The following CFAP61 variants were observed in gnomAD, a reference collection of about 807,000 sequenced individuals.
CFAP61 encodes the protein cilia- and flagella-associated protein 61.
Under a neutral mutation model 135.6 loss-of-function variants are expected in CFAP61, and 107 were observed. The ratio of observed to expected loss-of-function variants is 0.79; its 90% confidence interval spans 0.67 to 0.93. The LOEUF is 0.93. Among genes scored for constraint, CFAP61 ranks in the 40% least tolerant of loss-of-function variants. The probability of loss-of-function intolerance (pLI) is 0.00; values close to 1 mark genes in which losing one functional copy is unlikely to be tolerated. For missense variants in CFAP61, 1,507 were observed against 1,556.2 expected (o/e 0.97, Z 0.53); for synonymous variants, 575 against 578.5 (o/e 0.99, Z 0.09).
chr20:20,110,751 C>T (rs2048745807), intron 8 of CFAP61, among the ~76,000 whole-genome samples: 1 of 152,126 alleles, frequency 6.6e-6, no homozygotes, highest in African/African-American at 2.4e-5. Flanking sequence ...CCTGAGTGGC[C>T]CACACAGCAG....
chr20:20,166,542 C>A, intron 12 of CFAP61, 106 bp downstream of exon 12: 6 of 884,832 alleles, frequency 6.8e-6, no homozygotes, highest in South Asian at 2.9e-5. Flanking sequence ...GGTTTGTGTT[C>A]GGAGAATAAG....
intron 25 of CFAP61, among the ~76,000 whole-genome samples, chr20:20,328,863 C>G (rs906448341): frequency 6.6e-6 from 1 of 152,142 alleles, no homozygotes; most frequent in Non-Finnish European, 1.5e-5. Context: ...GATGGCTGCT[C>G]TCTGAAATAA....
In CFAP61 at chr20:20,260,784, G is replaced by A. The variant is rs1009383316; in HGVS notation, c.2329-2172G>A. Reference sequence around the variant, plus strand: ...TTGTTCTTTAGCACTGCCACTTTCCGCCAAGGCTTTTTCACTTGTTAAATC... The same window carrying A: ...TTGTTCTTTAGCACTGCCACTTTCCACCAAGGCTTTTTCACTTGTTAAATC... On this transcript the variant is annotated intron_variant, in intron 20 of 26. Transcript: ENST00000245957. Among the ~76,000 whole-genome samples the A allele has an allele frequency of 6.6e-5, 10 of 152,012 alleles. No individual in the cohort carries two copies. The East Asian group carries it at 1.2e-3, about 18-fold the overall frequency.
chr20:20,229,560 G>A (rs989018495), intron 18 of CFAP61, among the ~76,000 whole-genome samples: 15 of 152,110 alleles, frequency 9.9e-5, no homozygotes, highest in African/African-American at 3.6e-4. Flanking sequence ...GACAGGTGGG[G>A]CCTTGTGAAG....
intron 20 of CFAP61, among the ~76,000 whole-genome samples, chr20:20,254,653 T>TC (rs956152665): frequency 9.9e-5 from 15 of 152,148 alleles, no homozygotes; most frequent in African/African-American, 3.6e-4. Flanking sequence ...TTCTCCCCCT[T>TC]CCCCCATTGT....
At chr20:20,342,600 G>A (rs990687288) in intron 26 of CFAP61, among the ~76,000 whole-genome samples, 1 of 152,220 alleles carries the variant, frequency 6.6e-6, no homozygotes, top group Admixed American at 6.5e-5. Flanking sequence ...TCAGCCAAGT[G>A]CCGGGGCCTG....
intron 20 of CFAP61, among the ~76,000 whole-genome samples, chr20:20,256,627 G>A (rs1194996908): frequency 6.6e-6 from 1 of 152,222 alleles, no homozygotes; most frequent in Non-Finnish European, 1.5e-5. Flanking sequence ...TGATGCTGAA[G>A]ACAAAGCACT....
At chr20:20,308,596 C>T (rs1330288849) in intron 25 of CFAP61, among the ~76,000 whole-genome samples, 3 of 152,134 alleles carry the variant, frequency 2.0e-5, no homozygotes, top group African/African-American at 7.2e-5. Flanking sequence ...TTGTTTCAAG[C>T]TCAGCTGGCC....
At chr20:20,096,106 C>G (rs1234853611) in intron 7 of CFAP61, among the ~76,000 whole-genome samples, 1 of 152,106 alleles carries the variant, frequency 6.6e-6, no homozygotes, top group South Asian at 2.1e-4. Flanking sequence ...TAGATAACAG[C>G]CAGCAATCAA....
chr20:20,096,150 A>G (rs1362994643), intron 7 of CFAP61, among the ~76,000 whole-genome samples: 2 of 152,180 alleles, frequency 1.3e-5, no homozygotes, highest in Non-Finnish European at 2.9e-5. Context: ...AAAGTCCATT[A>G]AATCCATTTT....
At chr20:20,271,735 G>A (rs2053373479) in intron 21 of CFAP61, among the ~76,000 whole-genome samples, 1 of 152,128 alleles carries the variant, frequency 6.6e-6, no homozygotes, top group African/African-American at 2.4e-5. Context: ...TCCTTTATGG[G>A]GAATCCACCC....
At position 20,276,070 on chromosome 20, in the gene CFAP61, G is replaced by A. The variant is rs377581413; in HGVS notation, c.2504-1096G>A. On this transcript the variant is annotated intron_variant, in intron 21 of 26. Coordinates refer to ENST00000245957, the MANE Select transcript of CFAP61 (RefSeq NM_015585.4). ...AGTATGGGAGAATTTTCTAGATGCT[G>A]TTAGCTTCCAAGAAGCCATCTGAAA... is the stretch of plus-strand genomic sequence containing the variant. 2.0e-5 allele frequency among the ~76,000 whole-genome samples: 3 copies of A among 152,302 alleles called. No individual in the cohort carries two copies. In the Middle Eastern group the frequency reaches 0.01, roughly 518 times the overall value.
intron 10 of CFAP61, among the ~76,000 whole-genome samples, chr20:20,160,098 G>T (rs1414456699): frequency 6.6e-6 from 1 of 152,184 alleles, no homozygotes; most frequent in African/African-American, 2.4e-5. Flanking sequence ...ACCCTGCTCA[G>T]GATCTCAGAC....
chr20:20,268,047 G>A (rs1037945443), intron 21 of CFAP61, among the ~76,000 whole-genome samples: 2 of 152,224 alleles, frequency 1.3e-5, no homozygotes, highest in African/African-American at 4.8e-5. Flanking sequence ...GGAGCCATCC[G>A]TGACCGTCCT....
chr20:20,147,241 C>A, intron 9 of CFAP61, among the ~76,000 whole-genome samples: 1 of 152,168 alleles, frequency 6.6e-6, no homozygotes, highest in Admixed American at 6.5e-5. Context: ...ATAATGACTT[C>A]TTTTCCTTTG....
intron 17 of CFAP61, among the ~76,000 whole-genome samples, chr20:20,223,802 G>A (rs539094605): frequency 6.6e-6 from 1 of 152,266 alleles, no homozygotes; most frequent in East Asian, 1.9e-4. Flanking sequence ...CTTGACAAAT[G>A]TATCTGAATC....
In CFAP61 at chr20:20,074,312, C is replaced by T. The variant is rs778700009; in HGVS notation, c.305C>T (p.Thr102Met). The T allele has an allele frequency of 5.6e-6, 9 of 1,613,958 alleles. No individual in the cohort carries two copies. Among genetic ancestry groups the T allele is most frequent in the African/African-American group, 2.7e-5 (2 of 74,912 alleles). The change falls in exon 4 of 27, where the codon ACG becomes ATG. Residue 102 changes from threonine (T) to methionine (M), a missense_variant. Thr to Met is a moderately conservative substitution (Grantham distance 81). Transcript: ENST00000245957. ...TCTCTTCTTCTGCAGCCCCTGAATA[C>T]GTTGTTCATGCACCTCTTTGTGGCC... ...DSDIPCTPLN[T>M]LFMHLFVAVD... is the part of the protein sequence containing the mutation.
At chr20:20,151,440 G>A (rs1215458808) in intron 9 of CFAP61, among the ~76,000 whole-genome samples, 1 of 152,088 alleles carries the variant, frequency 6.6e-6, no homozygotes, top group Non-Finnish European at 1.5e-5. Flanking sequence ...TATTCCTGAG[G>A]AAGAAGAGAA....
chr20:20,338,571 C>T (rs1009775332), intron 25 of CFAP61, among the ~76,000 whole-genome samples: 1 of 152,260 alleles, frequency 6.6e-6, no homozygotes, highest in Non-Finnish European at 1.5e-5. Context: ...AAGGGCAGAC[C>T]TGCAGTCGCA....
Sources: allele counts gnomAD v4.1 joint callset (sites outside exome capture counted in the v4.1 genomes callset), GRCh38; gene constraint gnomAD v4.1.1; transcripts MANE v1.5; gene names NCBI Gene and HGNC (gene_info 2026-07-23, HGNC 2026-07-21).